ESRRG: variants seen among roughly 807,000 people sequenced by gnomAD.
ESRRG encodes the protein estrogen-related receptor gamma.
In ESRRG, 13 loss-of-function variants were observed where a neutral mutation model predicts 44.0. The observed-to-expected ratio is 0.30, with a 90% CI of 0.19 to 0.47. The LOEUF (loss-of-function observed/expected upper bound fraction) is 0.47. Among genes scored for constraint, ESRRG ranks in the 20% least tolerant of loss-of-function variants. The pLI is 1.00. For missense variants in ESRRG, 395 were observed against 580.6 expected (o/e 0.68, Z 3.29); for synonymous variants, 215 against 214.6 (o/e 1.00, Z -0.02).
chr1:216,529,946 T>C (rs1285403719), intron 5 of ESRRG, among the ~76,000 whole-genome samples: 1 of 151,682 alleles, frequency 6.6e-6, no homozygotes, highest in African/African-American at 2.4e-5. Flanking sequence ...ACCCCATCTC[T>C]ACTAAATATA....
intron 1 of ESRRG, among the ~76,000 whole-genome samples, chr1:217,027,702 A>G (rs913873421): frequency 6.6e-6 from 1 of 152,150 alleles, no homozygotes. Flanking sequence ...GAAACTACCC[A>G]CAGATCAGAA....
intron 2 of ESRRG, among the ~76,000 whole-genome samples, chr1:216,860,838 A>C (rs994771475): frequency 1.3e-5 from 2 of 152,164 alleles, no homozygotes; most frequent in Non-Finnish European, 2.9e-5. Context: ...GAGTTAATTT[A>C]TTTGCTATTA....
At chr1:216,759,805 T>G (rs112339982) in intron 2 of ESRRG, among the ~76,000 whole-genome samples, 3,429 of 152,210 alleles carry the variant, frequency 0.023, 57 homozygotes, top group Non-Finnish European at 0.031. Context: ...CATTCATATC[T>G]CTCTGCTCTG....
chr1:216,617,095 T>G (rs1313959325), intron 3 of ESRRG, among the ~76,000 whole-genome samples: 1 of 152,196 alleles, frequency 6.6e-6, no homozygotes. Context: ...TTTCAATGTT[T>G]GTTATATGAT....
At chr1:216,880,264 G>T (rs1417845277) in intron 2 of ESRRG, among the ~76,000 whole-genome samples, 2 of 117,056 alleles carry the variant, frequency 1.7e-5, no homozygotes, top group African/African-American at 6.8e-5. Context: ...CCAAGATTGT[G>T]CCACTGCACT....
intron 1 of ESRRG, among the ~76,000 whole-genome samples, chr1:217,115,788 G>A (rs895978943): frequency 6.6e-6 from 1 of 152,062 alleles, no homozygotes; most frequent in Non-Finnish European, 1.5e-5. Context: ...ATATGAAACA[G>A]TTTCTTCTTG....
intron 1 of ESRRG, among the ~76,000 whole-genome samples, chr1:217,132,069 G>T (rs2092974146): frequency 6.6e-6 from 1 of 152,212 alleles, no homozygotes; most frequent in Non-Finnish European, 1.5e-5. Flanking sequence ...TGATGTTGGG[G>T]ATCAGAGTGG....
chr1:216,521,882 G>C (rs2046186316), intron 5 of ESRRG, among the ~76,000 whole-genome samples: 1 of 152,044 alleles, frequency 6.6e-6, no homozygotes, highest in African/African-American at 2.4e-5. Flanking sequence ...CGTTCTCATG[G>C]AAGGATCAAT....
chr1:217,095,128 C>T (rs190971397), intron 1 of ESRRG, among the ~76,000 whole-genome samples: 314 of 152,218 alleles, frequency 2.1e-3, no homozygotes, highest in Middle Eastern at 0.02. Flanking sequence ...GGTTAAGAAC[C>T]ACTGATGTAA....
At chr1:216,882,818 G>A (rs1174339751) in intron 2 of ESRRG, among the ~76,000 whole-genome samples, 1 of 151,800 alleles carries the variant, frequency 6.6e-6, no homozygotes, top group Admixed American at 6.6e-5. Flanking sequence ...TAATGTCCAA[G>A]TTTATATAAT....
chr1:216,920,826 C>A (rs1343701012), intron 2 of ESRRG, among the ~76,000 whole-genome samples: 1 of 152,138 alleles, frequency 6.6e-6, no homozygotes, highest in African/African-American at 2.4e-5. Flanking sequence ...ATGAAAAGGT[C>A]ACTATTACAG....
intron 1 of ESRRG, among the ~76,000 whole-genome samples, chr1:217,135,465 C>A (rs1361875631): frequency 1.3e-5 from 2 of 151,992 alleles, no homozygotes; most frequent in Non-Finnish European, 1.5e-5. Flanking sequence ...CAAGAGAAAG[C>A]GTGTGGAGCT....
At chr1:217,083,584 G>T (rs2091904823) in intron 1 of ESRRG, among the ~76,000 whole-genome samples, 1 of 152,168 alleles carries the variant, frequency 6.6e-6, no homozygotes, top group Non-Finnish European at 1.5e-5. Context: ...ACCCAGCTTA[G>T]CACCATTTCG....
At chr1:216,776,867 A>G (rs895039302) in intron 2 of ESRRG, among the ~76,000 whole-genome samples, 1 of 152,154 alleles carries the variant, frequency 6.6e-6, no homozygotes, top group African/African-American at 2.4e-5. Flanking sequence ...CCAGATGGGG[A>G]CAGGGACAGA....
At chr1:216,943,626 A>C (rs2065610634) in intron 1 of ESRRG, among the ~76,000 whole-genome samples, 1 of 152,182 alleles carries the variant, frequency 6.6e-6, no homozygotes, top group South Asian at 2.1e-4. Context: ...CTTACTACAC[A>C]CACATACAAA....
chr1:216,856,181 A>G (rs1300254992), intron 2 of ESRRG, among the ~76,000 whole-genome samples: 1 of 152,134 alleles, frequency 6.6e-6, no homozygotes, highest in African/African-American at 2.4e-5. Context: ...CTTCCTATGA[A>G]AAGAAAATAT....
chr1:216,764,178 C>A (rs1315133830), intron 2 of ESRRG, among the ~76,000 whole-genome samples: 1 of 150,118 alleles, frequency 6.7e-6, no homozygotes, highest in Non-Finnish European at 1.5e-5. Flanking sequence ...CTAATTGATT[C>A]TTTTTTTTTC....
chr1:217,048,538 G>A (rs1158934536), intron 1 of ESRRG, among the ~76,000 whole-genome samples: 1 of 152,130 alleles, frequency 6.6e-6, no homozygotes, highest in Non-Finnish European at 1.5e-5. Context: ...GGACCCAGAA[G>A]TCACTCAAAC....
At chr1:216,800,206 T>C (rs1003224744) in intron 2 of ESRRG, among the ~76,000 whole-genome samples, 21 of 152,156 alleles carry the variant, frequency 1.4e-4, no homozygotes, top group African/African-American at 4.3e-4. Flanking sequence ...ACCATTAACA[T>C]ATTGTCACCA....
Sources: allele counts gnomAD v4.1 joint callset (sites outside exome capture counted in the v4.1 genomes callset), GRCh38; gene constraint gnomAD v4.1.1; transcripts MANE v1.5; gene names NCBI Gene and HGNC (gene_info 2026-07-23, HGNC 2026-07-21).